The following SBF1 variants were observed in gnomAD, a reference collection of about 807,000 sequenced individuals.
SBF1 encodes myotubularin-related protein 5.
Under a neutral mutation model 215.8 loss-of-function variants are expected in SBF1, and 65 were observed. The observed-to-expected ratio is 0.30, with a 90% confidence interval of 0.25 to 0.37. The LOEUF (loss-of-function observed/expected upper bound fraction) is 0.37. Ranked by LOEUF, SBF1 falls within the 10% of genes least tolerant of loss-of-function variation. The probability of loss-of-function intolerance (pLI) is 1.00; values close to 1 mark genes in which losing one functional copy is unlikely to be tolerated. For synonymous variants in SBF1, 1,410 were observed against 1,122.8 expected (o/e 1.26, Z -5.11); for missense variants, 2,634 against 2,667.8 (o/e 0.99, Z 0.28).
chr22:50,455,019 G>A lies in SBF1; in HGVS notation c.4678C>T (p.Leu1560=), dbSNP rs749208355. 44 of 1,613,954 alleles carry A rather than the reference G, an allele frequency of 2.7e-5. No homozygotes were observed. The highest frequency in any genetic ancestry group is 8.3e-5 in the Admixed American group (5 of 59,996). ...LLDSDYERIE[L]GLLYEEKGER... The stretch of plus-strand genomic sequence containing the variant: ...CCAGCCCCGACTCCCCACATACCCA[G>A]CTCAATGCGCTCATAGTCAGAGTCG... Residue 1560 remains leucine (L), a synonymous_variant, in exon 34 of 41, where the codon CTG becomes TTG. Coordinates refer to ENST00000380817, the MANE Select transcript of SBF1 (RefSeq NM_002972.4).
intron 23 of SBF1, 28 bp downstream of exon 23, chr22:50,461,131 A>C (rs558884373): frequency 6.4e-7 from 1 of 1,568,884 alleles, no homozygotes; most frequent in South Asian, 1.1e-5. Flanking sequence ...GCGGGGGATG[A>C]GAGCCCCACC....
chr22:50,455,221 C>T lies in SBF1; in HGVS notation c.4554+3G>A. ...CGGCCCACCCACACAGCGGCCTGCC[C>T]ACCTGGTGTACGCAGTCCAGGAACT... On this transcript the variant is annotated splice_donor_region_variant and intron_variant, in intron 33 of 40. Transcript: ENST00000380817. 6.2e-7 allele frequency: 1 copy of T among 1,612,094 alleles called. No individual in the cohort carries two copies. The highest frequency in any genetic ancestry group is 2.2e-5 in the East Asian group (1 of 44,808).
chr22:50,452,722 T>TAAA (rs2067093165), intron 36 of SBF1, among the ~76,000 whole-genome samples: 1 of 34,344 alleles, frequency 2.9e-5, no homozygotes, highest in African/African-American at 2.1e-4. Context: ...ACTCCATCTC[T>TAAA]CAAAAAAAAA....
In SBF1 at chr22:50,456,475, C is replaced by T; in HGVS notation, c.4086+17G>A. The T allele has an allele frequency of 6.6e-7, 1 of 1,515,818 alleles. No individual in the cohort carries two copies. The highest frequency in any genetic ancestry group is 2.5e-5 in the East Asian group (1 of 40,816). 93.9% of individuals were successfully genotyped at this position (1,515,818 alleles called of 1,614,324 possible). On this transcript the variant is annotated intron_variant, in intron 30 of 40. Coordinates refer to ENST00000380817, the MANE Select transcript of SBF1 (RefSeq NM_002972.4). ...CGAGCCCCCACCCTCACCCCCCACCCCCCGCACCCCAGTCACCTTGAGCTG... is the reference window on the plus strand; with the variant it reads ...CGAGCCCCCACCCTCACCCCCCACCTCCCGCACCCCAGTCACCTTGAGCTG...
intron 2 of SBF1, among the ~76,000 whole-genome samples, chr22:50,468,160 CCAT>C (rs1410089687): frequency 3.3e-5 from 5 of 152,210 alleles, no homozygotes; most frequent in Non-Finnish European, 7.3e-5. Flanking sequence ...ACAGTCCCCA[CCAT>C]CATGAGTGAG....
At chr22:50,448,745 G>A (rs1395322028) in intron 36 of SBF1, 95 bp from the exon 37 acceptor site, 3 of 998,312 alleles carry the variant, frequency 3.0e-6, no homozygotes, top group African/African-American at 3.2e-5. Context: ...AGACACAACG[G>A]AAAGGCCTAA....
Position 50,466,053 on chromosome 22 carries a change from G to T in SBF1, c.919C>A (p.Leu307Met), listed in dbSNP as rs564047488. The change falls in exon 9 of 41, where the codon CTG becomes ATG. Residue 307 changes from leucine (L) to methionine (M), a missense_variant. Transcript: ENST00000380817. ...GGAATGGTGACCGTCCCTCCATCCA[G>T]ATCAGCAACAATCACATCGAGCTGC... ...QELLDVIVADLDGGTVTIPEC... is the reference protein window; with the variant it reads ...QELLDVIVADMDGGTVTIPEC... 4.6e-5 allele frequency: 75 copies of T among 1,613,854 alleles called. 1 individual carries two copies. In the Admixed American group the frequency reaches 7.0e-4, roughly 15 times the overall value.
At position 50,461,957 on chromosome 22, in the gene SBF1, G is replaced by A. The variant is rs369148996; in HGVS notation, c.2559C>T (p.Val853=). 6 of 1,614,152 alleles carry A rather than the reference G, an allele frequency of 3.7e-6. No individual in the cohort carries two copies. The highest frequency in any genetic ancestry group is 2.7e-5 in the African/African-American group (2 of 75,072). ...CCCAAACCCCCGTACCTGGCACCATGACATGCAGCCCCTTGAGGTGGTCGC... is the reference window on the plus strand; with the variant it reads ...CCCAAACCCCCGTACCTGGCACCATAACATGCAGCCCCTTGAGGTGGTCGC... The part of the protein sequence containing the change: ...VTSDHLKGLH[V]MVPDIVQMHI... Residue 853 remains valine, a synonymous_variant, in exon 20 of 41, where the codon GTC becomes GTT. Transcript: ENST00000380817.
intron 33 of SBF1, 23 bp downstream of exon 33, chr22:50,455,201 C>G (rs1230012801): frequency 1.2e-6 from 2 of 1,612,284 alleles, no homozygotes; most frequent in Non-Finnish European, 1.7e-6. Context: ...AGTCCCGGCC[C>G]ACCCACACAG....
intron 15 of SBF1, among the ~76,000 whole-genome samples, chr22:50,463,814 A>C (rs1569513019): frequency 1.3e-5 from 2 of 152,208 alleles, no homozygotes; most frequent in Non-Finnish European, 2.9e-5. Context: ...AACGTTCATC[A>C]CAAAACTGGC....
intron 1 of SBF1, among the ~76,000 whole-genome samples, chr22:50,470,242 T>C (rs1164726782): frequency 2.0e-5 from 3 of 151,054 alleles, no homozygotes; most frequent in Non-Finnish European, 4.4e-5. Flanking sequence ...AGGCAGCAGG[T>C]GGAGGAAGGA....
At chr22:50,472,341 A>C (rs748281494) in intron 1 of SBF1, among the ~76,000 whole-genome samples, 5 of 152,174 alleles carry the variant, frequency 3.3e-5, no homozygotes, top group African/African-American at 7.2e-5. Flanking sequence ...AGCTCCAGAC[A>C]GGATGTCCAG....
At chr22:50,472,446 A>G (rs738683) in intron 1 of SBF1, among the ~76,000 whole-genome samples, 117,592 of 152,086 alleles carry the variant, frequency 0.77, 45,798 homozygotes, top group East Asian at 0.86. Flanking sequence ...AACAGAGAGG[A>G]TCCTCTACCC....
intron 5 of SBF1, 185 bp from the exon 6 acceptor site, chr22:50,466,895 G>A (rs2067786577): frequency 1.7e-6 from 1 of 580,040 alleles, no homozygotes; most frequent in Admixed American, 3.4e-5. Flanking sequence ...CAGCTGCAGA[G>A]AAAACTCAGG....
chr22:50,463,393 C>T lies in SBF1; in HGVS notation c.1789G>A (p.Ala597Thr). ...AVLRALKGRAARRCLAQELHL... is the reference protein window; with the variant it reads ...AVLRALKGRATRRCLAQELHL... ...AGCTCCTGGGCGAGGCAGCGGCGGG[C>T]AGCTCGCCCCTTCAGGGCCCTCAAC... Residue 597 changes from alanine to threonine, a missense_variant, in exon 16 of 41, where the codon GCC becomes ACC. Ala to Thr is a moderately conservative substitution (Grantham distance 58, BLOSUM62 0). Transcript: ENST00000380817. 1 of 1,592,112 alleles carries T rather than the reference C, an allele frequency of 6.3e-7. No individual in the cohort carries two copies. Among genetic ancestry groups the T allele is most frequent in the Non-Finnish European group, 8.6e-7 (1 of 1,168,496 alleles).
At position 50,446,516 on chromosome 22, in the gene SBF1, C is replaced by T. The variant is rs1193915637; in HGVS notation, c.*626G>A. 2 of 247,796 alleles carry T rather than the reference C, an allele frequency of 8.1e-6. No individual in the cohort carries two copies. The highest frequency in any genetic ancestry group is 2.3e-5 in the African/African-American group (1 of 44,258). The allele number at this position is 247,796 out of a possible 1,614,324, so 15.3% of individuals were successfully genotyped here. On this transcript the variant is annotated 3_prime_UTR_variant, in exon 41 of 41. Transcript: ENST00000380817. ...GCCTCTGTGAGGTCAGCTTCTGCATCCCCTGGGTAGGGATGGGGGCTTCCT... is the reference window on the plus strand; with the variant it reads ...GCCTCTGTGAGGTCAGCTTCTGCATTCCCTGGGTAGGGATGGGGGCTTCCT...
In SBF1 at chr22:50,467,345, C is replaced by G. The variant is rs770926599; in HGVS notation, c.542G>C (p.Gly181Ala). Residue 181 changes from glycine (G) to alanine (A), a missense_variant, in exon 5 of 41, where the codon GGC becomes GCC. Physicochemically the swap from Gly to Ala is moderately conservative, Grantham distance 60. Coordinates refer to ENST00000380817, the MANE Select transcript of SBF1 (RefSeq NM_002972.4). ...GCTGCCTCCAAAACTCACCTGCGAGCCCCCAGCCAGGGGCACAGTGCACGT... is the reference window on the plus strand; with the variant it reads ...GCTGCCTCCAAAACTCACCTGCGAGGCCCCAGCCAGGGGCACAGTGCACGT... ...LLTCTVPLAG[G>A]SQRTISLGAG... 8 of 1,613,576 alleles carry G rather than the reference C, an allele frequency of 5.0e-6. No homozygotes were observed. The East Asian group carries it at 6.7e-5, about 13-fold the overall frequency.
Position 50,448,349 on chromosome 22 carries a change from G to A in SBF1, c.5247C>T (p.Ser1749=). Residue 1749 remains serine, a synonymous_variant, in exon 38 of 41, where the codon AGC becomes AGT. Transcript: ENST00000380817. ...LQEGPVGSTL[S]LSLDSDQSSG... is the part of the protein sequence containing the mutation. ...TACTCTGGTCGCTGTCCAGGCTGAGGCTCAGGGTGGAGCCCACGGGCCCCT... is the reference window on the plus strand; with the variant it reads ...TACTCTGGTCGCTGTCCAGGCTGAGACTCAGGGTGGAGCCCACGGGCCCCT... The A allele has an allele frequency of 1.2e-6, 2 of 1,613,900 alleles. No homozygotes were observed. The highest frequency in any genetic ancestry group is 1.7e-5 in the Admixed American group (1 of 60,030).
rs1569506407 is a variant in SBF1 at position 50,445,242 on chromosome 22, T to C, written c.*1900A>G. On this transcript the variant is annotated 3_prime_UTR_variant, in exon 41 of 41. Coordinates refer to ENST00000380817, the MANE Select transcript of SBF1 (RefSeq NM_002972.4). ...ACAGGCCACATCACGGCATCAGGTC[T>C]CTACAGCTTAGCAAATACTGACATT... 6.6e-6 allele frequency: 1 copy of C among 152,414 alleles called. No individual in the cohort carries two copies. The highest frequency in any genetic ancestry group is 2.4e-5 in the African/African-American group (1 of 41,456). The allele number at this position is 152,414 out of a possible 1,614,324, so 9.4% of individuals were successfully genotyped here.
Sources: allele counts gnomAD v4.1 joint callset (sites outside exome capture counted in the v4.1 genomes callset), GRCh38; gene constraint gnomAD v4.1.1; transcripts MANE v1.5; gene names NCBI Gene and HGNC (gene_info 2026-07-23, HGNC 2026-07-21).